The following ZNF827 variants were observed in gnomAD, a reference collection of about 807,000 sequenced individuals.
ZNF827 encodes the protein zinc finger protein 827.
Under a neutral mutation model 102.4 loss-of-function variants are expected in ZNF827, and 13 were observed. The observed-to-expected ratio is 0.13, with a 90% CI of 0.08 to 0.20. The LOEUF is 0.20. Among genes scored for constraint, ZNF827 ranks in the 10% least tolerant of loss-of-function variants. The probability of loss-of-function intolerance (pLI) is 1.00; values close to 1 mark genes in which losing one functional copy is unlikely to be tolerated. For missense variants in ZNF827, 1,103 were observed against 1,344.4 expected (o/e 0.82, Z 2.81); for synonymous variants, 523 against 536.2 (o/e 0.98, Z 0.34).
intron 5 of ZNF827, among the ~76,000 whole-genome samples, chr4:145,856,648 A>G (rs1747131318): frequency 1.3e-5 from 2 of 151,810 alleles, no homozygotes; most frequent in East Asian, 3.9e-4. Context: ...GTAGCTTTCA[A>G]CAGAAAACCA....
At chr4:145,768,378 TG>T (rs1210008504) in intron 11 of ZNF827, among the ~76,000 whole-genome samples, 5 of 152,288 alleles carry the variant, frequency 3.3e-5, no homozygotes. Flanking sequence ...TTGGCCAGGC[TG>T]GTCTTGAACT....
At chr4:145,907,147 A>C in intron 1 of ZNF827, 1 of 456,116 alleles carries the variant, frequency 2.2e-6, no homozygotes, top group Middle Eastern at 3.3e-4. Context: ...AAATTATAAG[A>C]AGCTCAAACA....
intron 4 of ZNF827, among the ~76,000 whole-genome samples, chr4:145,883,018 G>A (rs1749804162): frequency 6.6e-6 from 1 of 150,890 alleles, no homozygotes; most frequent in Non-Finnish European, 1.5e-5. Flanking sequence ...AGTGAGAGCA[G>A]CTATCAAACG....
intron 8 of ZNF827, among the ~76,000 whole-genome samples, chr4:145,788,465 A>C (rs986608096): frequency 6.6e-6 from 1 of 152,224 alleles, no homozygotes; most frequent in Admixed American, 6.5e-5. Flanking sequence ...CATTTTAAGA[A>C]AACTATATAA....
In ZNF827 at chr4:145,760,924, A is replaced by C. The variant is rs891295594; in HGVS notation, c.*692T>G. 2 of 1,234,084 alleles carry C rather than the reference A, an allele frequency of 1.6e-6. No individual in the cohort carries two copies. The highest frequency in any genetic ancestry group is 3.1e-5 in the African/African-American group (2 of 63,718). The allele number at this position is 1,234,084 out of a possible 1,614,324, so 76.4% of individuals were successfully genotyped here. A position where few individuals can be genotyped will look rare whatever the true frequency, so the allele number is the denominator to read the frequency against. ...CTTGGGGTATAACATTGTCAAGGGA[A>C]TGAGATGGGCAAAATCTGAGTTCCG... On this transcript the variant is annotated 3_prime_UTR_variant, in exon 15 of 15. Transcript: ENST00000508784.
chr4:145,767,678 A>C (rs1236802290), intron 11 of ZNF827, among the ~76,000 whole-genome samples: 1 of 152,264 alleles, frequency 6.6e-6, no homozygotes, highest in Non-Finnish European at 1.5e-5. Context: ...TTCTCACTGG[A>C]CACTATGCAA....
At chr4:145,908,797 G>A (rs1471535437) in intron 1 of ZNF827, among the ~76,000 whole-genome samples, 2 of 152,202 alleles carry the variant, frequency 1.3e-5, no homozygotes, top group Admixed American at 1.3e-4. Flanking sequence ...ACAGAAGAGT[G>A]AGGGTTTCAC....
intron 1 of ZNF827, among the ~76,000 whole-genome samples, chr4:145,915,668 G>A (rs1035807322): frequency 6.6e-6 from 1 of 151,980 alleles, no homozygotes; most frequent in Non-Finnish European, 1.5e-5. Flanking sequence ...TCTCACATGC[G>A]AAATATATTC....
chr4:145,776,103 G>A, intron 9 of ZNF827, 143 bp from the exon 10 acceptor site: 1 of 920,236 alleles, frequency 1.1e-6, no homozygotes, highest in Non-Finnish European at 1.6e-6. Flanking sequence ...CCTAGGAATT[G>A]TAAGTATCTA....
chr4:145,825,202 C>G (rs560424030), intron 7 of ZNF827, among the ~76,000 whole-genome samples: 21 of 152,134 alleles, frequency 1.4e-4, no homozygotes, highest in Non-Finnish European at 2.8e-4. Context: ...CCACCATGGG[C>G]GGGATGGACA....
chr4:145,886,236 T>C (rs1051635122), intron 3 of ZNF827, 78 bp from the exon 4 acceptor site: 55 of 1,493,648 alleles, frequency 3.7e-5, no homozygotes, highest in Non-Finnish European at 4.9e-5. Context: ...AGACTATTCA[T>C]CAATCATTTC....
chr4:145,858,154 T>C (rs1466233810), intron 5 of ZNF827, among the ~76,000 whole-genome samples: 3 of 151,266 alleles, frequency 2.0e-5, no homozygotes, highest in Non-Finnish European at 4.4e-5. Context: ...TGTGTGTGTG[T>C]GTGTGTGTGT....
rs371617663 is a variant in ZNF827 at position 145,837,053 on chromosome 4, T to C, written c.2279+8903A>G. On this transcript the variant is annotated intron_variant, in intron 7 of 14. Coordinates refer to ENST00000508784, the MANE Select transcript of ZNF827 (RefSeq NM_001306215.2). ...TACTTTCACTGGATAGGTAGAGGCC[T>C]TTCCTACAGGGTCTGAGAAGGCCAC... Among the ~76,000 whole-genome samples the C allele has an allele frequency of 2.8e-4, 43 of 152,276 alleles. No individual in the cohort carries two copies. The East Asian group carries it at 4.4e-3, about 16-fold the overall frequency.
At chr4:145,870,536 G>C (rs1160069615) in intron 4 of ZNF827, 58 bp from the exon 5 acceptor site, 1 of 1,435,370 alleles carries the variant, frequency 7.0e-7, no homozygotes, top group Non-Finnish European at 9.7e-7. Context: ...CTCCTTAGCT[G>C]CCCTGGTACT....
At chr4:145,930,881 GCTAA>G (rs1350498914) in intron 1 of ZNF827, among the ~76,000 whole-genome samples, 1 of 152,060 alleles carries the variant, frequency 6.6e-6, no homozygotes, top group African/African-American at 2.4e-5. Flanking sequence ...ATGCAGTGAA[GCTAA>G]CTTTTAAAAA....
At chr4:145,829,817 C>A (rs1243971937) in intron 7 of ZNF827, among the ~76,000 whole-genome samples, 2 of 152,096 alleles carry the variant, frequency 1.3e-5, no homozygotes, top group African/African-American at 2.4e-5. Flanking sequence ...TAAGCCACTG[C>A]AATACTGGTT....
intron 8 of ZNF827, among the ~76,000 whole-genome samples, chr4:145,814,838 G>T (rs1247678645): frequency 6.6e-6 from 1 of 152,056 alleles, no homozygotes; most frequent in Non-Finnish European, 1.5e-5. Context: ...CTACTCAGGA[G>T]GCTGAGGCAG....
rs150602136 is a variant in ZNF827, at chr4:145,902,799, G to C, written c.460C>G (p.Leu154Val). 1.4e-5 allele frequency: 23 copies of C among 1,614,060 alleles called. No individual in the cohort carries two copies. In the African/African-American group the frequency reaches 1.5e-4, roughly 10 times the overall value. ...TGGTGGGAAGGCGGGGAAAAGGAGA[G>C]GTTCGAGCCAACGTTTACGGGGGAC... is the stretch of plus-strand genomic sequence containing the variant. ...VESPVNVGSN[L>V]SFSPPSHHAQ... The change falls in exon 2 of 15, where the codon CTC (leucine) becomes GTC (valine). Residue 154 changes from leucine (L) to valine (V), a missense_variant. Physicochemically the swap from Leu to Val is conservative, Grantham distance 32. This residue lies in a region of ZNF827 where 441 missense variants were observed against 458.6 expected (regional missense o/e 0.96). Transcript: ENST00000508784. The surrounding 1 kb of genome is among the most constrained non-coding windows in gnomAD (Gnocchi z 4.3).
intron 4 of ZNF827, among the ~76,000 whole-genome samples, chr4:145,871,640 G>A (rs1231890514): frequency 6.6e-6 from 1 of 152,178 alleles, no homozygotes; most frequent in African/African-American, 2.4e-5. Flanking sequence ...TTATTAGAAT[G>A]AGCCTTAAGT....
Sources: allele counts gnomAD v4.1 joint callset (sites outside exome capture counted in the v4.1 genomes callset), GRCh38; gene constraint gnomAD v4.1.1; regional missense constraint gnomAD v4.1.1; non-coding constraint Gnocchi (gnomAD v3.1); transcripts MANE v1.5; gene names NCBI Gene and HGNC (gene_info 2026-07-23, HGNC 2026-07-21).